ERICH3: variants seen among roughly 807,000 people sequenced by gnomAD.
ERICH3 encodes the protein glutamate rich 3, also known as glutamate-rich protein 3.
In ERICH3, 126 loss-of-function variants were observed where a neutral mutation model predicts 131.1. The ratio of observed to expected loss-of-function variants is 0.96; its 90% CI spans 0.83 to 1.11. ERICH3 has a LOEUF of 1.11. ERICH3 is among the 50% of genes most tolerant of loss of function. The pLI, the probability that ERICH3 is intolerant of heterozygous loss-of-function variation, is 0.00. For missense variants in ERICH3, 2,050 were observed against 1,810.7 expected, an observed-to-expected ratio of 1.13 and a Z score of -2.40; for synonymous variants, 695 against 644.6, an observed-to-expected ratio of 1.08 and a Z score of -1.18.
intron 14 of ERICH3, 90 bp downstream of exon 14, chr1:74,571,009 C>T: frequency 1.1e-5 from 16 of 1,452,974 alleles, no homozygotes; most frequent in Non-Finnish European, 1.5e-5. Context: ...TGTGCACAGA[C>T]ACCAATAAAG....
intron 12 of ERICH3, among the ~76,000 whole-genome samples, chr1:74,584,550 C>A (rs1380623624): frequency 6.6e-6 from 1 of 152,158 alleles, no homozygotes; most frequent in Non-Finnish European, 1.5e-5. Flanking sequence ...AGAGTGGCCT[C>A]CCCCTGCACT....
At chr1:74,593,235 G>A (rs1032206952) in intron 11 of ERICH3, among the ~76,000 whole-genome samples, 1 of 152,050 alleles carries the variant, frequency 6.6e-6, no homozygotes, top group African/African-American at 2.4e-5. Flanking sequence ...AGCTCTCCAG[G>A]CCCTTCTTCC....
At chr1:74,603,143 C>T (rs1040679979) in intron 10 of ERICH3, among the ~76,000 whole-genome samples, 3 of 151,812 alleles carry the variant, frequency 2.0e-5, no homozygotes, top group African/African-American at 7.3e-5. Context: ...TACCCCAACC[C>T]ATGGTTATTG....
At chr1:74,632,890 AC>A (rs1646354050) in intron 6 of ERICH3, among the ~76,000 whole-genome samples, 1 of 151,910 alleles carries the variant, frequency 6.6e-6, no homozygotes. Context: ...TCATTAAAAA[AC>A]ACCAAAGGTA....
intron 12 of ERICH3, among the ~76,000 whole-genome samples, chr1:74,578,791 T>G (rs185436663): frequency 2.0e-5 from 3 of 152,206 alleles, no homozygotes; most frequent in African/African-American, 7.2e-5. Flanking sequence ...GGAATGCAGT[T>G]TCTTGCTTAG....
At chr1:74,594,503 T>C (rs1459701697) in intron 11 of ERICH3, among the ~76,000 whole-genome samples, 3 of 152,082 alleles carry the variant, frequency 2.0e-5, no homozygotes, top group Non-Finnish European at 4.4e-5. Flanking sequence ...GATTCATTTG[T>C]CCACTAAATA....
At position 74,612,607 on chromosome 1, in the gene ERICH3, A is replaced by G; in HGVS notation, c.1187+16T>C. 3 of 1,531,242 alleles carry G rather than the reference A, an allele frequency of 2.0e-6. No homozygotes were observed. The highest frequency in any genetic ancestry group is 2.7e-6 in the Non-Finnish European group (3 of 1,124,712). 94.9% of individuals were successfully genotyped at this position (1,531,242 alleles called of 1,614,324 possible). ...AGCAAAACTTGCCCTCTACCAAAGG[A>G]CATTTGTTTCCATACTTGTAGCAAG... is the stretch of plus-strand genomic sequence containing the variant. On this transcript the variant is annotated intron_variant, in intron 9 of 14. Coordinates refer to ENST00000326665, the MANE Select transcript of ERICH3 (RefSeq NM_001002912.5).
intron 8 of ERICH3, among the ~76,000 whole-genome samples, chr1:74,616,049 T>G (rs1440172886): frequency 1.3e-5 from 2 of 152,174 alleles, no homozygotes; most frequent in African/African-American, 2.4e-5. Flanking sequence ...TCGCCCAGGC[T>G]GGAGTACAGT....
rs768553380 is a variant in ERICH3 at position 74,589,825 on chromosome 1, A to G, written c.1982T>C (p.Ile661Thr). 24 of 1,614,036 alleles carry G rather than the reference A, an allele frequency of 1.5e-5. No individual in the cohort carries two copies. Among genetic ancestry groups the G allele is most frequent in the Non-Finnish European group, 1.9e-5 (23 of 1,179,966 alleles). The change falls in exon 12 of 15, where the codon ATA (isoleucine) becomes ACA (threonine). Residue 661 changes from isoleucine (I) to threonine (T), a missense_variant. By Grantham distance (89) the Ile-to-Thr change is moderately conservative (BLOSUM62 -1). Coordinates refer to ENST00000326665, the MANE Select transcript of ERICH3 (RefSeq NM_001002912.5). The stretch of plus-strand genomic sequence containing the variant: ...AAGAACATTCTCAAAGCTTTCGTCT[A>G]TTGGCATCGGCTTGGTCTCCACATC... ...KADVETKPMP[I>T]DESFENVLKE...
intron 5 of ERICH3, among the ~76,000 whole-genome samples, chr1:74,637,001 A>G (rs537110166): frequency 6.6e-6 from 1 of 152,206 alleles, no homozygotes; most frequent in East Asian, 1.9e-4. Context: ...CAAAAATAAA[A>G]AAATTGTAAC....
chr1:74,611,987 C>A (rs190735238), intron 9 of ERICH3, among the ~76,000 whole-genome samples: 65 of 152,272 alleles, frequency 4.3e-4, no homozygotes, highest in African/African-American at 1.6e-3. Flanking sequence ...CTCTTGTGTT[C>A]TAGCTTGGCA....
chr1:74,655,099 G>T (rs1172968923), intron 1 of ERICH3, among the ~76,000 whole-genome samples: 2 of 152,060 alleles, frequency 1.3e-5, no homozygotes, highest in African/African-American at 4.8e-5. Context: ...CTTAAATTCA[G>T]CTAATCTCTT....
In ERICH3 at chr1:74,592,718, G is replaced by A. The variant is rs934874614; in HGVS notation, c.1727-2638C>T. Among the ~76,000 whole-genome samples the A allele has an allele frequency of 6.6e-5, 10 of 152,108 alleles. 1 individual carries two copies. Among genetic ancestry groups the A allele is most frequent in the Admixed American group, 3.9e-4 (6 of 15,254 alleles). ...AAAGATCAGGAGAATGAATGGCCTCGAAGTGGCCAGGGCACCTGACCTCCC... is the reference window on the plus strand; with the variant it reads ...AAAGATCAGGAGAATGAATGGCCTCAAAGTGGCCAGGGCACCTGACCTCCC... On this transcript the variant is annotated intron_variant, in intron 11 of 14. Coordinates refer to ENST00000326665, the MANE Select transcript of ERICH3 (RefSeq NM_001002912.5).
At chr1:74,658,663 A>C (rs912141028) in intron 1 of ERICH3, among the ~76,000 whole-genome samples, 3 of 152,162 alleles carry the variant, frequency 2.0e-5, no homozygotes, top group African/African-American at 7.2e-5. Context: ...TTTCCACTAA[A>C]GGTTAGGTTA....
rs554052746 is a variant in ERICH3 at position 74,660,902 on chromosome 1, T to C, written c.24-11587A>G. On this transcript the variant is annotated intron_variant, in intron 1 of 14. Transcript: ENST00000326665. ...GGCAAATTTTTAAAAAACTCTCACA[T>C]ATTCTTTTCAATGTGAATAGTACTA... Among the ~76,000 whole-genome samples, 249 of 152,002 alleles carry C rather than the reference T, an allele frequency of 1.6e-3. 1 individual carries two copies. Among genetic ancestry groups the C allele is most frequent in the African/African-American group, 5.6e-3 (233 of 41,494 alleles).
intron 3 of ERICH3, among the ~76,000 whole-genome samples, chr1:74,645,763 A>T (rs1646477415): frequency 6.6e-6 from 1 of 152,164 alleles, no homozygotes; most frequent in African/African-American, 2.4e-5. Context: ...CAAAAAGTGA[A>T]TTCCTAAATT....
intron 1 of ERICH3, 74 bp from the exon 2 acceptor site, chr1:74,649,389 C>T: frequency 2.6e-6 from 3 of 1,136,734 alleles, no homozygotes; most frequent in South Asian, 2.6e-5. Context: ...TTTACTGTTT[C>T]CCCAAATAGT....
At chr1:74,640,123 C>T (rs1350498230) in intron 5 of ERICH3, among the ~76,000 whole-genome samples, 3 of 152,116 alleles carry the variant, frequency 2.0e-5, no homozygotes, top group Non-Finnish European at 4.4e-5. Flanking sequence ...CTGGATGTAT[C>T]ATAAACTATT....
chr1:74,668,598 T>A (rs964004824), intron 1 of ERICH3, among the ~76,000 whole-genome samples: 1 of 152,188 alleles, frequency 6.6e-6, no homozygotes, highest in African/African-American at 2.4e-5. Flanking sequence ...TTCAAAGAAT[T>A]AAATGACATT....
Sources: gnomAD v4.1 joint callset for allele counts (sites outside exome capture counted in the v4.1 genomes callset) on GRCh38, gnomAD v4.1.1 for gene constraint, MANE v1.5 for transcripts, NCBI Gene and HGNC (gene_info 2026-07-23, HGNC 2026-07-21) for gene names.